Variants in DAAM1 observed in about 807,000 individuals in gnomAD.
DAAM1 encodes dishevelled associated activator of morphogenesis 1.
DAAM1 carries 52 observed loss-of-function variants against 130.0 expected under a neutral mutation model. The ratio of observed to expected loss-of-function variants is 0.40; its 90% CI spans 0.32 to 0.50. The LOEUF (loss-of-function observed/expected upper bound fraction) is 0.50. Among genes scored for constraint, DAAM1 ranks in the 20% least tolerant of loss-of-function variants. DAAM1 has a pLI of 0.61. For missense variants in DAAM1, 1,134 were observed against 1,303.8 expected (o/e 0.87, Z 2.01); for synonymous variants, 452 against 444.5 (o/e 1.02, Z -0.21).
intron 15 of DAAM1, among the ~76,000 whole-genome samples, chr14:59,332,614 G>T (rs982179874): frequency 1.3e-5 from 2 of 152,222 alleles, no homozygotes; most frequent in African/African-American, 4.8e-5. Context: ...AGTCACATCT[G>T]TGTGGTACCT....
intron 3 of DAAM1, among the ~76,000 whole-genome samples, chr14:59,312,167 A>T (rs1308141458): frequency 1.3e-5 from 2 of 152,206 alleles, no homozygotes; most frequent in Non-Finnish European, 2.9e-5. Flanking sequence ...AATGTGAACA[A>T]TTACTACCAA....
intron 5 of DAAM1, 116 bp from the exon 6 acceptor site, chr14:59,322,776 G>T (rs1885062003): frequency 2.5e-6 from 2 of 811,792 alleles, no homozygotes; most frequent in Admixed American, 4.9e-5. Context: ...ATCAATGTAA[G>T]CCTTTTGGCA....
chr14:59,333,986 G>C (rs912919034), intron 15 of DAAM1, among the ~76,000 whole-genome samples: 15 of 152,192 alleles, frequency 9.9e-5, no homozygotes, highest in African/African-American at 2.9e-4. Flanking sequence ...GGAGAGTCCA[G>C]AACATTTCAG....
intron 5 of DAAM1, among the ~76,000 whole-genome samples, chr14:59,322,501 GAA>G (rs10570231): frequency 0.3 from 43,623 of 147,310 alleles, 6,796 homozygotes; most frequent in African/African-American, 0.4. Context: ...CTCTCTTAAA[GAA>G]AAAAAAAAAA....
chr14:59,199,156 T>G (rs765729033), intron 1 of DAAM1, among the ~76,000 whole-genome samples: 7 of 152,216 alleles, frequency 4.6e-5, no homozygotes, highest in Non-Finnish European at 7.3e-5. Context: ...CATGATCTGA[T>G]CCCCAGTCTC....
chr14:59,275,176 C>T (rs1224733056), intron 2 of DAAM1, among the ~76,000 whole-genome samples: 1 of 152,150 alleles, frequency 6.6e-6, no homozygotes, highest in Non-Finnish European at 1.5e-5. Context: ...TCTTGTCTGT[C>T]ACTTTACAGC....
chr14:59,368,110 A>C (rs1407309247), intron 24 of DAAM1, among the ~76,000 whole-genome samples: 1 of 152,142 alleles, frequency 6.6e-6, no homozygotes, highest in Non-Finnish European at 1.5e-5. Context: ...AAACCTTTAA[A>C]AAGTTCACAG....
At chr14:59,238,237 TCAAATC>T (rs1156749422) in intron 1 of DAAM1, among the ~76,000 whole-genome samples, 16 of 152,182 alleles carry the variant, frequency 1.1e-4, no homozygotes, top group Admixed American at 1.0e-3. Context: ...TTGTGGCTTT[TCAAATC>T]CCTTGCCTTC....
intron 23 of DAAM1, among the ~76,000 whole-genome samples, chr14:59,366,687 C>A: frequency 6.6e-6 from 1 of 152,130 alleles, no homozygotes; most frequent in South Asian, 2.1e-4. Flanking sequence ...ACAATTTTTA[C>A]TTTAGAAATG....
intron 5 of DAAM1, among the ~76,000 whole-genome samples, chr14:59,322,062 G>A (rs562065689): frequency 2.0e-5 from 3 of 152,212 alleles, no homozygotes; most frequent in African/African-American, 4.8e-5. Context: ...ATTCCATGTA[G>A]CATGTCATAT....
chr14:59,273,033 A>G (rs2139525723), intron 2 of DAAM1, among the ~76,000 whole-genome samples: 1 of 152,294 alleles, frequency 6.6e-6, no homozygotes, highest in Middle Eastern at 3.4e-3. Context: ...TTCCTAAAAC[A>G]GTAGGGTTGG....
In DAAM1 at chr14:59,330,487, G is replaced by A; in HGVS notation, c.1373-14G>A. 1 of 1,568,228 alleles carries A rather than the reference G, an allele frequency of 6.4e-7. No individual in the cohort carries two copies. Among genetic ancestry groups the A allele is most frequent in the Non-Finnish European group, 8.6e-7 (1 of 1,160,382 alleles). ...GACTCTCCTGTTTTCATGTCCAATTGTTTTCTCGTGTAGAGCACAATGAGC... is the reference window on the plus strand; with the variant it reads ...GACTCTCCTGTTTTCATGTCCAATTATTTTCTCGTGTAGAGCACAATGAGC... On this transcript the variant is annotated splice_polypyrimidine_tract_variant and intron_variant, in intron 12 of 24. Transcript: ENST00000360909.
At chr14:59,286,351 T>A (rs2139554625) in intron 2 of DAAM1, among the ~76,000 whole-genome samples, 1 of 152,064 alleles carries the variant, frequency 6.6e-6, no homozygotes, top group African/African-American at 2.4e-5. Flanking sequence ...ATTAACCTAA[T>A]GATGCACCTA....
chr14:59,200,935 G>C (rs1327116311), intron 1 of DAAM1, among the ~76,000 whole-genome samples: 33 of 152,112 alleles, frequency 2.2e-4, no homozygotes. Context: ...GCCAAGGCGG[G>C]CGGATCACGA....
Position 59,345,847 on chromosome 14 carries a change from G to A in DAAM1, c.2076-1692G>A, listed in dbSNP as rs1886057248. ...CCTTCTTAGTACTCCCAGGCCTCAT[G>A]GGTGTCATACACAGAGAGGAAACAC... On this transcript the variant is annotated intron_variant, in intron 16 of 24. Transcript: ENST00000360909. 2.0e-5 allele frequency among the ~76,000 whole-genome samples: 3 copies of A among 152,152 alleles called. No homozygotes were observed. The South Asian group carries it at 6.2e-4, about 32-fold the overall frequency.
In DAAM1 at chr14:59,340,119, G is replaced by T. The variant is rs749917509; in HGVS notation, c.2014G>T (p.Val672Phe). 1.2e-6 allele frequency: 2 copies of T among 1,612,522 alleles called. No individual in the cohort carries two copies. The highest frequency in any genetic ancestry group is 1.7e-6 in the Non-Finnish European group (2 of 1,179,102). The change falls in exon 16 of 25, where the codon GTT becomes TTT. Residue 672 changes from valine to phenylalanine, a missense_variant. By Grantham distance (50) the Val-to-Phe change is conservative. Around this residue, in one of 3 missense-constraint regions of DAAM1, gnomAD observed 644 missense variants for 695.9 expected, o/e 0.93. Coordinates refer to ENST00000360909, the MANE Select transcript of DAAM1 (RefSeq NM_001270520.2). ...TGACACTCTGAGTTCCAAACTTAAA[G>T]TTAAAGAGCTTTCGGTGATTGATGG... is the stretch of plus-strand genomic sequence containing the variant. ...IDDTLSSKLK[V>F]KELSVIDGRR...
At chr14:59,199,830 C>T (rs1319275492) in intron 1 of DAAM1, among the ~76,000 whole-genome samples, 1 of 152,170 alleles carries the variant, frequency 6.6e-6, no homozygotes, top group Non-Finnish European at 1.5e-5. Flanking sequence ...TCCCTGGCCT[C>T]TACCCACTAG....
At chr14:59,343,993 A>T (rs943725106) in intron 16 of DAAM1, among the ~76,000 whole-genome samples, 3 of 152,212 alleles carry the variant, frequency 2.0e-5, no homozygotes, top group African/African-American at 7.2e-5. Context: ...GGTGACATGT[A>T]GCAATTTAAA....
chr14:59,191,815 C>T (rs1447265797), intron 1 of DAAM1, among the ~76,000 whole-genome samples: 1 of 152,096 alleles, frequency 6.6e-6, no homozygotes, highest in East Asian at 1.9e-4. Context: ...GAAGCCTTTG[C>T]CAGGCCACCA....
Sources: gnomAD v4.1 joint callset for allele counts (sites outside exome capture counted in the v4.1 genomes callset) on GRCh38, gnomAD v4.1.1 for gene constraint, gnomAD v4.1.1 regional missense constraint, MANE v1.5 for transcripts, NCBI Gene and HGNC (gene_info 2026-07-23, HGNC 2026-07-21) for gene names.